The following NTRK2 variants were observed in gnomAD, a reference collection of about 807,000 sequenced individuals.
The protein encoded by NTRK2 is neurotrophic receptor tyrosine kinase 2, also known as BDNF/NT-3 growth factors receptor.
A neutral mutation model predicts 94.5 loss-of-function variants in NTRK2; 13 were observed. The observed-to-expected ratio is 0.14, with a 90% confidence interval of 0.09 to 0.22. The LOEUF is 0.22. Ranked by LOEUF, NTRK2 falls within the 10% of genes least tolerant of loss-of-function variation. The pLI is 1.00. For synonymous variants in NTRK2, 372 were observed against 407.4 expected (o/e 0.91, Z 1.05); for missense variants, 639 against 1,071.2 (o/e 0.60, Z 5.63).
intron 14 of NTRK2, among the ~76,000 whole-genome samples, chr9:84,901,883 T>A (rs1354888857): frequency 1.3e-5 from 2 of 151,238 alleles, no homozygotes; most frequent in Admixed American, 1.3e-4. Context: ...TAATATTGCT[T>A]CAGTAGTAGT....
chr9:84,835,144 A>G (rs1332092604), intron 12 of NTRK2, among the ~76,000 whole-genome samples: 1 of 152,262 alleles, frequency 6.6e-6, no homozygotes, highest in South Asian at 2.1e-4. Flanking sequence ...CAGACGTTTT[A>G]TCTGGGAGCT....
chr9:84,891,954 G>A (rs1160331616), intron 14 of NTRK2, among the ~76,000 whole-genome samples: 1 of 151,848 alleles, frequency 6.6e-6, no homozygotes, highest in African/African-American at 2.4e-5. Flanking sequence ...AACTTAGGCC[G>A]GTATGATATC....
chr9:84,815,589 G>T, intron 12 of NTRK2: 1 of 1,007,576 alleles, frequency 9.9e-7, no homozygotes, highest in Non-Finnish European at 1.2e-6. Context: ...GTAAATAATG[G>T]ATAATCATTT....
chr9:84,886,605 T>A (rs1172231812), intron 14 of NTRK2, among the ~76,000 whole-genome samples: 1 of 152,202 alleles, frequency 6.6e-6, no homozygotes, highest in Non-Finnish European at 1.5e-5. Flanking sequence ...TGCAAAGTGG[T>A]ATCTGAGGCC....
At chr9:84,731,772 G>T (rs903188751) in intron 9 of NTRK2, among the ~76,000 whole-genome samples, 12 of 152,154 alleles carry the variant, frequency 7.9e-5, no homozygotes, top group African/African-American at 2.4e-4. Context: ...GTGTGAGGAT[G>T]TGAGGCAGGC....
intron 15 of NTRK2, among the ~76,000 whole-genome samples, chr9:84,947,901 C>T (rs1281871077): frequency 6.6e-6 from 1 of 152,126 alleles, no homozygotes; most frequent in Non-Finnish European, 1.5e-5. Flanking sequence ...GCATCTTCAC[C>T]TTGGCAGCAT....
chr9:84,742,789 G>GTTTTTTTTTTTTTTTTT (rs757253032), intron 10 of NTRK2, among the ~76,000 whole-genome samples: 1 of 103,706 alleles, frequency 9.6e-6, no homozygotes, highest in African/African-American at 4.0e-5. Flanking sequence ...CATTATATTA[G>GTTTTTTTTTTTTTTTTT]TTTTTTTTTT....
chr9:84,974,599 A>G (rs1826582975), intron 17 of NTRK2, among the ~76,000 whole-genome samples: 4 of 152,220 alleles, frequency 2.6e-5, no homozygotes, highest in African/African-American at 7.2e-5. Flanking sequence ...TAAGAGAAAC[A>G]TCCTTTATTT....
chr9:84,786,087 A>G (rs912794802), intron 12 of NTRK2, among the ~76,000 whole-genome samples: 1 of 152,196 alleles, frequency 6.6e-6, no homozygotes, highest in Non-Finnish European at 1.5e-5. Flanking sequence ...GAGCACATTC[A>G]GCCACTGTAT....
intron 2 of NTRK2, among the ~76,000 whole-genome samples, chr9:84,699,679 A>G (rs1168587316): frequency 1.3e-5 from 2 of 148,574 alleles, no homozygotes; most frequent in Non-Finnish European, 3.0e-5. Flanking sequence ...TTTTTTTTCT[A>G]ACGAGTGTAT....
intron 12 of NTRK2, among the ~76,000 whole-genome samples, chr9:84,826,693 A>G (rs972926729): frequency 6.6e-6 from 1 of 152,122 alleles, no homozygotes; most frequent in African/African-American, 2.4e-5. Context: ...TAAAAGGGGG[A>G]TACTCATTTC....
At chr9:84,867,897 T>A (rs1037064920) in intron 14 of NTRK2, among the ~76,000 whole-genome samples, 12 of 152,242 alleles carry the variant, frequency 7.9e-5, no homozygotes, top group Admixed American at 7.9e-4. Flanking sequence ...GAGTCCTGTA[T>A]TCTTTGCTCA....
chr9:84,670,672 G>A lies in NTRK2; in HGVS notation c.-77G>A. ...TTAAGAGAGCCGCAAGCGCAGGGAA[G>A]GCCTCCCCGCACGGGTGGGGGAAAG... On this transcript the variant is annotated 5_prime_UTR_variant, in exon 2 of 19. Transcript: ENST00000277120. 6.9e-7 allele frequency: 1 copy of A among 1,449,574 alleles called. No individual in the cohort carries two copies. The highest frequency in any genetic ancestry group is 9.6e-7 in the Non-Finnish European group (1 of 1,041,118). 89.8% of individuals were successfully genotyped at this position (1,449,574 alleles called of 1,614,324 possible).
At chr9:84,872,347 AATC>A in intron 14 of NTRK2, 6 of 1,100,812 alleles carry the variant, frequency 5.5e-6, no homozygotes, top group Admixed American at 8.9e-5. Context: ...CCAAATCATC[AATC>A]TTGGGTTCTC....
Position 84,763,676 on chromosome 9 carries a change from C to T in NTRK2, c.1396+11591C>T, listed in dbSNP as rs376209109. Among the ~76,000 whole-genome samples, 50 of 152,266 alleles carry T rather than the reference C, an allele frequency of 3.3e-4. 1 individual carries two copies. Among genetic ancestry groups the T allele is most frequent in the South Asian group, 1.5e-3 (7 of 4,824 alleles). On this transcript the variant is annotated intron_variant, in intron 12 of 18. Transcript: ENST00000277120. ...GGACACAGTGTCCTAAAACCACAGC[C>T]ACAATACCATTACCATTGTGCTCAA... is the stretch of plus-strand genomic sequence containing the variant.
chr9:84,693,108 A>T (rs181766263), intron 2 of NTRK2, among the ~76,000 whole-genome samples: 2 of 152,352 alleles, frequency 1.3e-5, no homozygotes, highest in Non-Finnish European at 2.9e-5. Flanking sequence ...TTTAAATGTG[A>T]AAATTTTCAA....
rs2062221774 is a variant in NTRK2, at chr9:84,723,559, T to C, written c.584-14T>C. 3 of 1,614,082 alleles carry C rather than the reference T, an allele frequency of 1.9e-6. No homozygotes were observed. Among genetic ancestry groups the C allele is most frequent in the African/African-American group, 1.3e-5 (1 of 75,068 alleles). ...TATTTGCATATGCCTCTGTTTACTTTTCTTGTTCCATAGGTTTGCCATCTG... is the reference window on the plus strand; with the variant it reads ...TATTTGCATATGCCTCTGTTTACTTCTCTTGTTCCATAGGTTTGCCATCTG... On this transcript the variant is annotated splice_polypyrimidine_tract_variant and intron_variant, in intron 6 of 18. Coordinates refer to ENST00000277120, the MANE Select transcript of NTRK2 (RefSeq NM_006180.6).
chr9:84,860,744 G>A (rs548487296), intron 12 of NTRK2, among the ~76,000 whole-genome samples: 1 of 152,096 alleles, frequency 6.6e-6, no homozygotes, highest in Non-Finnish European at 1.5e-5. Context: ...CTTAACCCTG[G>A]GTTGTGGCTA....
rs1832876858 is a variant in NTRK2 at position 85,023,372 on chromosome 9, C to G, written c.*1935C>G. The G allele has an allele frequency of 8.6e-6, 2 of 232,340 alleles. No homozygotes were observed. The highest frequency in any genetic ancestry group is 1.1e-4 in the Admixed American group (2 of 17,748). The allele number at this position is 232,340 out of a possible 1,614,324, so 14.4% of individuals were successfully genotyped here. On this transcript the variant is annotated 3_prime_UTR_variant, in exon 19 of 19. Coordinates refer to ENST00000277120, the MANE Select transcript of NTRK2 (RefSeq NM_006180.6). ...TGCGATAGCTCTGTTTTAGGTTTTG[C>G]TTGCGCCTGTTAATTACTGGAACAC...
Sources: gnomAD v4.1 joint callset for allele counts (sites outside exome capture counted in the v4.1 genomes callset) on GRCh38, gnomAD v4.1.1 for gene constraint, MANE v1.5 for transcripts, NCBI Gene and HGNC (gene_info 2026-07-23, HGNC 2026-07-21) for gene names.